B4GALNT3: variants seen among roughly 807,000 people sequenced by gnomAD.
B4GALNT3 encodes beta-1,4-N-acetylgalactosaminyltransferase 3.
A neutral mutation model predicts 120.2 loss-of-function variants in B4GALNT3; 86 were observed. The ratio of observed to expected loss-of-function variants is 0.72; its 90% confidence interval spans 0.60 to 0.86. The LOEUF is 0.86. Ranked by LOEUF, B4GALNT3 falls within the 40% of genes least tolerant of loss-of-function variation. The pLI, the probability that B4GALNT3 is intolerant of heterozygous loss-of-function variation, is 0.00. For synonymous variants in B4GALNT3, 518 were observed against 510.4 expected (o/e 1.01, Z -0.20); for missense variants, 1,167 against 1,298.9 (o/e 0.90, Z 1.56).
intron 3 of B4GALNT3, among the ~76,000 whole-genome samples, chr12:540,818 A>G (rs1043939889): frequency 6.6e-6 from 1 of 151,688 alleles, no homozygotes; most frequent in Non-Finnish European, 1.5e-5. Context: ...ATCTCGGCTC[A>G]CTGCAACCTC....
intron 1 of B4GALNT3, among the ~76,000 whole-genome samples, chr12:478,432 CTGTTT>C (rs1946205802): frequency 6.6e-6 from 1 of 152,084 alleles, no homozygotes; most frequent in East Asian, 1.9e-4. Flanking sequence ...TACCACCTGT[CTGTTT>C]TAGGGAAGTA....
At chr12:520,221 G>T (rs906502245) in intron 1 of B4GALNT3, among the ~76,000 whole-genome samples, 1 of 152,214 alleles carries the variant, frequency 6.6e-6, no homozygotes, top group Non-Finnish European at 1.5e-5. Flanking sequence ...CAACATCTCT[G>T]TTGACCCAGC....
Position 562,594 on chromosome 12 carries a change from G to T in B4GALNT3, c.*1143G>T. 6.6e-6 allele frequency: 1 copy of T among 152,628 alleles called. No homozygotes were observed. Among genetic ancestry groups the T allele is most frequent in the East Asian group, 1.9e-4 (1 of 5,234 alleles). The allele number at this position is 152,628 out of a possible 1,614,324, so 9.5% of individuals were successfully genotyped here. A position where few individuals can be genotyped will look rare whatever the true frequency, so the allele number is the denominator to read the frequency against. On this transcript the variant is annotated 3_prime_UTR_variant, in exon 20 of 20. Transcript: ENST00000266383. The surrounding 1 kb of genome is among the most constrained non-coding windows in gnomAD (Gnocchi z 5.2). Reference sequence around the variant, plus strand: ...AGGACATTGCCCTGAGATATCCCCTGGAGGCAGGGAGAGGAGTGGGGGCAG... The same window carrying T: ...AGGACATTGCCCTGAGATATCCCCTTGAGGCAGGGAGAGGAGTGGGGGCAG...
At position 553,623 on chromosome 12, in the gene B4GALNT3, C is replaced by T. The variant is rs145036381; in HGVS notation, c.1700C>T (p.Ser567Leu). Residue 567 changes from serine to leucine, a missense_variant, in exon 14 of 20, where the codon TCG (serine) becomes TTG (leucine). Around this residue, in one of 3 missense-constraint regions of B4GALNT3, gnomAD observed 983 missense variants for 1,102.5 expected, o/e 0.89. Transcript: ENST00000266383. ...ACTCAGTGGCTGAACCAGGTGGAGTCGTACATCGCAGAGCAGAGACGGGGT... is the reference window on the plus strand; with the variant it reads ...ACTCAGTGGCTGAACCAGGTGGAGTTGTACATCGCAGAGCAGAGACGGGGT... ...RKTQWLNQVE[S>L]YIAEQRRGDR... is the part of the protein sequence containing the mutation. The T allele has an allele frequency of 9.9e-6, 16 of 1,613,854 alleles. No individual in the cohort carries two copies. In the East Asian group the frequency reaches 1.1e-4, roughly 11 times the overall value.
intron 14 of B4GALNT3, 86 bp downstream of exon 14, chr12:554,069 T>C (rs11063565): frequency 0.4 from 359,157 of 908,142 alleles, 73,606 homozygotes; most frequent in African/African-American, 0.51. Context: ...GGGCTGGTAG[T>C]GGGTTCCCCC....
Position 476,063 on chromosome 12 carries a change from G to A in B4GALNT3, c.169+15518G>A, listed in dbSNP as rs11063153. ...TTCTTCCTTCCTTTACCATGGCATA[G>A]TGGTGAGAAGCTTTGAAGTCAGACT... On this transcript the variant is annotated intron_variant, in intron 1 of 19. Coordinates refer to ENST00000266383, the MANE Select transcript of B4GALNT3 (RefSeq NM_173593.4). Among the ~76,000 whole-genome samples the A allele has an allele frequency of 6.1e-3, 925 of 152,298 alleles. 12 individuals carry two copies. Among genetic ancestry groups the A allele is most frequent in the African/African-American group, 0.02 (848 of 41,566 alleles).
At chr12:497,479 G>T (rs899580924) in intron 1 of B4GALNT3, among the ~76,000 whole-genome samples, 4 of 152,188 alleles carry the variant, frequency 2.6e-5, no homozygotes. Flanking sequence ...ATATTCCATT[G>T]TATGGATATG....
At chr12:537,115 T>C (rs1026131494) in intron 3 of B4GALNT3, among the ~76,000 whole-genome samples, 1 of 152,236 alleles carries the variant, frequency 6.6e-6, no homozygotes, top group African/African-American at 2.4e-5. Flanking sequence ...GAAATGCCTA[T>C]TATACTCTAT....
intron 1 of B4GALNT3, among the ~76,000 whole-genome samples, chr12:499,370 C>T (rs925015358): frequency 6.6e-6 from 1 of 152,064 alleles, no homozygotes; most frequent in African/African-American, 2.4e-5. Context: ...AGTCCTAGCC[C>T]GTGGAGCCCG....
intron 1 of B4GALNT3, among the ~76,000 whole-genome samples, chr12:468,544 A>G (rs923165076): frequency 1.3e-5 from 2 of 152,168 alleles, no homozygotes; most frequent in Admixed American, 1.3e-4. Context: ...CCTTGACACT[A>G]CCGAGAGAAC....
intron 1 of B4GALNT3, among the ~76,000 whole-genome samples, chr12:518,613 G>A (rs1024202238): frequency 2.0e-5 from 3 of 151,916 alleles, no homozygotes; most frequent in African/African-American, 7.3e-5. Flanking sequence ...TGCTCAGCCT[G>A]GTCTCCAACT....
At chr12:533,623 A>G (rs1162098443) in intron 1 of B4GALNT3, among the ~76,000 whole-genome samples, 1 of 152,018 alleles carries the variant, frequency 6.6e-6, no homozygotes, top group East Asian at 1.9e-4. Flanking sequence ...CTCTGTTCTG[A>G]TCCTGCCTGC....
intron 1 of B4GALNT3, among the ~76,000 whole-genome samples, chr12:481,145 A>G (rs1158686166): frequency 1.3e-5 from 2 of 152,118 alleles, no homozygotes; most frequent in South Asian, 4.1e-4. Flanking sequence ...GGGAGCTTTC[A>G]CCAGAGGTGC....
intron 19 of B4GALNT3, among the ~76,000 whole-genome samples, chr12:560,227 T>C (rs1281778891): frequency 6.6e-6 from 1 of 151,916 alleles, no homozygotes; most frequent in Admixed American, 6.6e-5. Context: ...TGTAACAGCG[T>C]CCACAGGAGG....
At chr12:511,766 C>G (rs1592032151) in intron 1 of B4GALNT3, among the ~76,000 whole-genome samples, 1 of 112,444 alleles carries the variant, frequency 8.9e-6, no homozygotes, top group Non-Finnish European at 1.8e-5. Flanking sequence ...TTCCACCTTC[C>G]ACCTTCCACC....
intron 1 of B4GALNT3, among the ~76,000 whole-genome samples, chr12:519,827 T>A (rs573491530): frequency 3.9e-5 from 6 of 152,100 alleles, no homozygotes; most frequent in Non-Finnish European, 7.4e-5. Context: ...AAAAGGTGAG[T>A]AGAGGTGAGC....
At chr12:473,049 G>A (rs1361267221) in intron 1 of B4GALNT3, among the ~76,000 whole-genome samples, 2 of 151,080 alleles carry the variant, frequency 1.3e-5, no homozygotes, top group African/African-American at 4.9e-5. Flanking sequence ...GTTCACTGCA[G>A]CCTCGACTTC....
intron 1 of B4GALNT3, among the ~76,000 whole-genome samples, chr12:501,481 TGAG>T (rs1360512851): frequency 6.6e-6 from 1 of 152,096 alleles, no homozygotes; most frequent in African/African-American, 2.4e-5. Context: ...CTCGGGAGGC[TGAG>T]GAGGGAAGAT....
chr12:466,283 G>T (rs1056419079), intron 1 of B4GALNT3, among the ~76,000 whole-genome samples: 2 of 152,186 alleles, frequency 1.3e-5, no homozygotes, highest in African/African-American at 4.8e-5. Flanking sequence ...GCCCTCTAGT[G>T]CTGAGCTTTG....
Sources: gnomAD v4.1 joint callset for allele counts (sites outside exome capture counted in the v4.1 genomes callset) on GRCh38, gnomAD v4.1.1 for gene constraint, gnomAD v4.1.1 regional missense constraint, Gnocchi (gnomAD v3.1) non-coding constraint, MANE v1.5 for transcripts, NCBI Gene and HGNC (gene_info 2026-07-23, HGNC 2026-07-21) for gene names.